NBEA: variants seen among roughly 807,000 people sequenced by gnomAD.
NBEA encodes the protein neurobeachin, also known as lysosomal-trafficking regulator 2.
A neutral mutation model predicts 343.4 loss-of-function variants in NBEA; 44 were observed. That is an observed-to-expected ratio of 0.13 (90% CI 0.10 to 0.16). NBEA has a LOEUF of 0.16. NBEA is among the 10% of genes least tolerant of loss of function. The pLI is 1.00. For missense variants in NBEA, 2,555 were observed against 3,631.3 expected (o/e 0.70, Z 7.62); for synonymous variants, 1,175 against 1,238.7 (o/e 0.95, Z 1.08).
chr13:35,158,097 A>G (rs2069301595), intron 21 of NBEA, among the ~76,000 whole-genome samples: 1 of 152,024 alleles, frequency 6.6e-6, no homozygotes, highest in African/African-American at 2.4e-5. Context: ...GTTTGAATAA[A>G]CCTTTATTCA....
chr13:35,378,026 T>C (rs992909730), intron 38 of NBEA, among the ~76,000 whole-genome samples: 9 of 152,172 alleles, frequency 5.9e-5, no homozygotes, highest in Admixed American at 1.3e-4. Context: ...AAATAAATTA[T>C]AGTTATTCTG....
chr13:35,371,773 C>T (rs1566040970), intron 38 of NBEA, among the ~76,000 whole-genome samples: 1 of 152,138 alleles, frequency 6.6e-6, no homozygotes, highest in Admixed American at 6.5e-5. Context: ...GTGGAGGATA[C>T]TTTTATGAAG....
chr13:34,970,568 G>C (rs1320617428), intron 1 of NBEA, among the ~76,000 whole-genome samples: 2 of 152,132 alleles, frequency 1.3e-5, no homozygotes, highest in Non-Finnish European at 2.9e-5. Context: ...TATGGTAAAA[G>C]GAAGGAGTCC....
At chr13:35,321,548 T>C (rs1305670292) in intron 36 of NBEA, among the ~76,000 whole-genome samples, 1 of 152,220 alleles carries the variant, frequency 6.6e-6, no homozygotes, top group East Asian at 1.9e-4. Flanking sequence ...TGGGAGGTGT[T>C]TCCTTCAGTC....
At chr13:35,083,036 G>T (rs752156522) in intron 10 of NBEA, among the ~76,000 whole-genome samples, 4 of 152,104 alleles carry the variant, frequency 2.6e-5, no homozygotes, top group Admixed American at 2.0e-4. Flanking sequence ...TTCTTCTAGG[G>T]TTTTTATGGT....
At chr13:35,239,675 C>CGGTAT (rs1168254117) in intron 34 of NBEA, among the ~76,000 whole-genome samples, 1 of 152,058 alleles carries the variant, frequency 6.6e-6, no homozygotes, top group Non-Finnish European at 1.5e-5. Flanking sequence ...TGCACACATA[C>CGGTAT]ACGCATACCC....
At chr13:35,628,014 A>T (rs1342386649) in intron 48 of NBEA, 67 bp from the exon 49 acceptor site, 9 of 1,239,712 alleles carry the variant, frequency 7.3e-6, no homozygotes, top group Middle Eastern at 2.0e-4. Flanking sequence ...AAGTAAAAAA[A>T]AAATAAAAGG....
intron 10 of NBEA, among the ~76,000 whole-genome samples, chr13:35,087,390 A>G (rs978645480): frequency 6.6e-6 from 1 of 151,924 alleles, no homozygotes; most frequent in African/African-American, 2.4e-5. Context: ...TACACTCTGG[A>G]GAAGTCCAGT....
intron 34 of NBEA, among the ~76,000 whole-genome samples, chr13:35,282,079 AT>A (rs1363106820): frequency 9.5e-4 from 137 of 144,102 alleles, no homozygotes; most frequent in Middle Eastern, 3.7e-3. Context: ...CGCCCGGCTA[AT>A]TTTTTTTTTT....
chr13:35,537,527 A>G (rs1422113470), intron 41 of NBEA, among the ~76,000 whole-genome samples: 1 of 152,168 alleles, frequency 6.6e-6, no homozygotes, highest in Non-Finnish European at 1.5e-5. Flanking sequence ...ATGAAATTAT[A>G]CAATGAATTT....
intron 13 of NBEA, among the ~76,000 whole-genome samples, chr13:35,117,123 T>G (rs2066535706): frequency 1.3e-5 from 2 of 151,890 alleles, no homozygotes; most frequent in South Asian, 4.1e-4. Context: ...AGCATTAATA[T>G]AAATACTTGG....
At chr13:35,411,868 A>G (rs1023685550) in intron 38 of NBEA, among the ~76,000 whole-genome samples, 4 of 152,000 alleles carry the variant, frequency 2.6e-5, no homozygotes, top group Non-Finnish European at 5.9e-5. Flanking sequence ...TTATTTGTAA[A>G]CTTCTGATTT....
chr13:35,304,031 T>C (rs1388451837), intron 35 of NBEA, among the ~76,000 whole-genome samples: 1 of 152,166 alleles, frequency 6.6e-6, no homozygotes, highest in Non-Finnish European at 1.5e-5. Flanking sequence ...AGTTTTCTAA[T>C]GATTGTATTT....
intron 34 of NBEA, among the ~76,000 whole-genome samples, chr13:35,261,392 G>T (rs941014894): frequency 2.6e-5 from 4 of 151,988 alleles, no homozygotes; most frequent in Non-Finnish European, 4.4e-5. Context: ...CATATCCGTA[G>T]TCCAGCTGCT....
chr13:35,010,727 A>C (rs1172334831), intron 1 of NBEA, among the ~76,000 whole-genome samples: 1 of 4,148 alleles, frequency 2.4e-4, no homozygotes, highest in South Asian at 0.015. Flanking sequence ...GGGTCTCTAC[A>C]AAAAAAAAAA....
intron 34 of NBEA, among the ~76,000 whole-genome samples, chr13:35,271,512 C>T (rs574920914): frequency 1.3e-4 from 20 of 152,240 alleles, no homozygotes; most frequent in East Asian, 7.7e-4. Context: ...ATGACTTTGA[C>T]GAGTTGACAG....
chr13:35,640,022 A>G (rs1363564880), intron 49 of NBEA, among the ~76,000 whole-genome samples: 1 of 151,778 alleles, frequency 6.6e-6, no homozygotes, highest in Non-Finnish European at 1.5e-5. Flanking sequence ...GGTTAAATCT[A>G]CCTGCAATGT....
chr13:35,568,050 A>G (rs942561606), intron 45 of NBEA, among the ~76,000 whole-genome samples: 15 of 152,192 alleles, frequency 9.9e-5, no homozygotes, highest in Non-Finnish European at 1.9e-4. Context: ...GTCCCATGTC[A>G]AATAGTTGTA....
At chr13:35,572,793 G>A (rs1374092954) in intron 45 of NBEA, among the ~76,000 whole-genome samples, 1 of 151,988 alleles carries the variant, frequency 6.6e-6, no homozygotes, top group Non-Finnish European at 1.5e-5. Flanking sequence ...GAGTGCAGTG[G>A]CATGATCTTG....
Sources: allele counts gnomAD v4.1 joint callset (sites outside exome capture counted in the v4.1 genomes callset), GRCh38; gene constraint gnomAD v4.1.1; transcripts MANE v1.5; gene names NCBI Gene and HGNC (gene_info 2026-07-23, HGNC 2026-07-21).